The following GDA variants were observed in gnomAD, a reference collection of about 807,000 sequenced individuals.
The protein encoded by GDA is cytoplasmic PSD-95 interactor.
GDA carries 18 observed loss-of-function variants against 59.6 expected under a neutral mutation model. The ratio of observed to expected loss-of-function variants is 0.30; its 90% CI spans 0.21 to 0.45. The LOEUF is 0.45. GDA is among the 20% of genes least tolerant of loss of function. The pLI is 1.00. For synonymous variants in GDA, 201 were observed against 201.1 expected (o/e 1.00, Z 0.00); for missense variants, 427 against 552.3 (o/e 0.77, Z 2.27).
intron 1 of GDA, among the ~76,000 whole-genome samples, chr9:72,186,653 A>G (rs926452370): frequency 5.3e-5 from 8 of 152,232 alleles, no homozygotes; most frequent in African/African-American, 1.9e-4. Flanking sequence ...ACAAAAATCT[A>G]TTAAATACTT....
At chr9:72,150,101 T>C (rs551152599) in intron 1 of GDA, among the ~76,000 whole-genome samples, 1 of 152,314 alleles carries the variant, frequency 6.6e-6, no homozygotes, top group South Asian at 2.1e-4. Flanking sequence ...GTTGAATTTA[T>C]TGTGAAAGAA....
chr9:72,177,800 T>C lies in GDA; in HGVS notation c.124-17700T>C, dbSNP rs180824501. On this transcript the variant is annotated intron_variant, in intron 1 of 13. Coordinates refer to ENST00000358399, the MANE Select transcript of GDA (RefSeq NM_004293.5). ...TGAAGTTGTTTTTGCTGGTATCATT[T>C]CCTTGGAGATACCTTTAATCACTAT... 6.2e-4 allele frequency among the ~76,000 whole-genome samples: 95 copies of C among 152,358 alleles called. 1 individual carries two copies. The highest frequency in any genetic ancestry group is 4.0e-4 in the Non-Finnish European group (27 of 68,034).
At position 72,125,692 on chromosome 9, in the gene GDA, G is replaced by A. The variant is rs1157185551; in HGVS notation, c.-100+10859G>A. Among the ~76,000 whole-genome samples, 95 of 152,062 alleles carry A rather than the reference G, an allele frequency of 6.2e-4. 2 individuals are homozygous for A. The highest frequency in any genetic ancestry group is 6.2e-3 in the Admixed American group (95 of 15,250). Reference sequence around the variant, plus strand: ...ATTCAACAACAAGATTTAGCAGCAGGTCAATGGCAGAATTGTGGGGCACTT... The same window carrying A: ...ATTCAACAACAAGATTTAGCAGCAGATCAATGGCAGAATTGTGGGGCACTT... On this transcript the variant is annotated intron_variant, in intron 1 of 13. Coordinates refer to the GDA transcript ENST00000545168.
chr9:72,214,625 T>C (rs1040205296), intron 5 of GDA: 3 of 182,416 alleles, frequency 1.6e-5, no homozygotes, highest in African/African-American at 2.4e-5. Context: ...GGAAGCTGAG[T>C]CTGACATAGG....
rs1825658183 is a variant in GDA at position 72,121,466 on chromosome 9, AGG to A, written c.-100+6634_-100+6635del. On this transcript the variant is annotated intron_variant, in intron 1 of 13. Transcript: ENST00000545168. The stretch of plus-strand genomic sequence containing the variant: ...ACAAAAATTAGCTGGGCGTGGTGGC[AGG>A]CGCCTGTAATCCCAGCTACTCGGGA... 3.3e-5 allele frequency among the ~76,000 whole-genome samples: 5 copies of A among 152,204 alleles called. No individual in the cohort carries two copies. In the East Asian group the frequency reaches 9.7e-4, roughly 29 times the overall value.
intron 13 of GDA, 34 bp from the exon 14 acceptor site, chr9:72,248,238 G>C: frequency 1.4e-6 from 2 of 1,431,210 alleles, no homozygotes; most frequent in Non-Finnish European, 2.0e-6. Flanking sequence ...GACACAAAAG[G>C]ATTTTATACA....
At chr9:72,225,071 C>G (rs936207989) in intron 7 of GDA, among the ~76,000 whole-genome samples, 6 of 152,114 alleles carry the variant, frequency 3.9e-5, no homozygotes, top group African/African-American at 1.4e-4. Flanking sequence ...TACTTGAGGT[C>G]AGGAGTTTGA....
chr9:72,167,324 A>G (rs371555316), intron 1 of GDA, among the ~76,000 whole-genome samples: 1 of 151,844 alleles, frequency 6.6e-6, no homozygotes, highest in African/African-American at 2.4e-5. Context: ...CATCAGGGAG[A>G]TAGATTTGAG....
chr9:72,152,111 G>A (rs976453968), intron 1 of GDA, among the ~76,000 whole-genome samples: 1 of 152,136 alleles, frequency 6.6e-6, no homozygotes, highest in African/African-American at 2.4e-5. Context: ...TTATAGCAGC[G>A]GGTGGATTAC....
chr9:72,248,163 A>C, intron 13 of GDA, 109 bp from the exon 14 acceptor site: 1 of 768,072 alleles, frequency 1.3e-6, no homozygotes, highest in Admixed American at 1.9e-5. Context: ...AGCAGCTTTT[A>C]GTATTTCCTC....
intron 5 of GDA, among the ~76,000 whole-genome samples, chr9:72,216,910 C>T (rs1163554531): frequency 2.0e-5 from 3 of 152,102 alleles, no homozygotes; most frequent in African/African-American, 4.8e-5. Flanking sequence ...CTCCTGACCT[C>T]GTGATCCACC....
At chr9:72,125,655 ATT>A (rs1825820695) in intron 1 of GDA, among the ~76,000 whole-genome samples, 1 of 152,196 alleles carries the variant, frequency 6.6e-6, no homozygotes, top group Admixed American at 6.5e-5. Context: ...TGGTATCAAT[ATT>A]TACCAGCCCA....
intron 1 of GDA, among the ~76,000 whole-genome samples, chr9:72,182,457 G>A (rs1453156809): frequency 2.6e-5 from 4 of 152,196 alleles, no homozygotes; most frequent in East Asian, 3.9e-4. Flanking sequence ...GATTCAGGTC[G>A]TGCATTTTTG....
At chr9:72,212,211 G>A (rs562943030) in intron 4 of GDA, among the ~76,000 whole-genome samples, 4 of 152,248 alleles carry the variant, frequency 2.6e-5, no homozygotes, top group South Asian at 2.1e-4. Context: ...GGCCAGGCGC[G>A]GTGGTTAATG....
At position 72,223,147 on chromosome 9, in the gene GDA, C is replaced by T. The variant is rs1434242608; in HGVS notation, c.634C>T (p.Pro212Ser). 1.9e-6 allele frequency: 3 copies of T among 1,608,618 alleles called. No individual in the cohort carries two copies. The highest frequency in any genetic ancestry group is 2.7e-5 in the African/African-American group (2 of 74,816). The stretch of plus-strand genomic sequence containing the variant: ...TTCTAGAGTGAAGCCCATAGTGACA[C>T]CACGTTTTTCCCTCTCCTGCTCTGA... ...NYSRVKPIVT[P>S]RFSLSCSETL... The change falls in exon 7 of 14, where the codon CCA becomes TCA. Residue 212 changes from proline (P) to serine (S), a missense_variant. Pro to Ser is a moderately conservative substitution (Grantham distance 74). Coordinates refer to ENST00000358399, the MANE Select transcript of GDA (RefSeq NM_004293.5).
In GDA at chr9:72,227,988, G is replaced by A. The variant is rs368033130; in HGVS notation, c.868G>A (p.Val290Ile). 2.2e-5 allele frequency: 36 copies of A among 1,609,178 alleles called. No individual in the cohort carries two copies. In the African/African-American group the frequency reaches 2.5e-4, roughly 11 times the overall value. Reference sequence around the variant, plus strand: ...CTACCTCTCTGCAGAAGAACTGAACGTATTCCATGAACGAGGAGCATCCAT... The same window carrying A: ...CTACCTCTCTGCAGAAGAACTGAACATATTCCATGAACGAGGAGCATCCAT... ...GCYLSAEELN[V>I]FHERGASIAH... The change falls in exon 9 of 14, where the codon GTA (valine) becomes ATA (isoleucine). Residue 290 changes from valine to isoleucine, a missense_variant. By Grantham distance (29) the Val-to-Ile change is conservative. Coordinates refer to ENST00000358399, the MANE Select transcript of GDA (RefSeq NM_004293.5).
chr9:72,165,486 T>C (rs2130888352), intron 1 of GDA, among the ~76,000 whole-genome samples: 1 of 152,252 alleles, frequency 6.6e-6, no homozygotes, highest in South Asian at 2.1e-4. Context: ...TTGTTTGAAA[T>C]GAAAACAAAC....
At chr9:72,133,072 C>T (rs1027281394) in intron 1 of GDA, among the ~76,000 whole-genome samples, 2 of 151,622 alleles carry the variant, frequency 1.3e-5, no homozygotes, top group African/African-American at 2.4e-5. Context: ...GGGTGGATCA[C>T]GAGGTCAGGA....
At chr9:72,166,859 A>G (rs755150014) in intron 1 of GDA, among the ~76,000 whole-genome samples, 4 of 152,130 alleles carry the variant, frequency 2.6e-5, no homozygotes, top group African/African-American at 9.7e-5. Context: ...CCTTTTTCTC[A>G]GAGTTTTCAT....
Sources: allele counts gnomAD v4.1 joint callset (sites outside exome capture counted in the v4.1 genomes callset), GRCh38; gene constraint gnomAD v4.1.1; transcripts MANE v1.5; gene names NCBI Gene and HGNC (gene_info 2026-07-23, HGNC 2026-07-21).